Variants in LRMDA observed in about 807,000 individuals in gnomAD.
The protein encoded by LRMDA is leucine-rich melanocyte differentiation-associated protein.
Under a neutral mutation model 29.8 loss-of-function variants are expected in LRMDA, and 18 were observed. The ratio of observed to expected loss-of-function variants is 0.60; its 90% CI spans 0.42 to 0.90. The LOEUF is 0.90. LRMDA is among the 40% of genes least tolerant of loss of function. The pLI, the probability that LRMDA is intolerant of heterozygous loss-of-function variation, is 0.00. For synonymous variants in LRMDA, 125 were observed against 109.4 expected (o/e 1.14, Z -0.89); for missense variants, 273 against 273.9 (o/e 1.00, Z 0.02).
chr10:76,127,609 G>T (rs1343710206), intron 5 of LRMDA, among the ~76,000 whole-genome samples: 5 of 151,148 alleles, frequency 3.3e-5, no homozygotes, highest in South Asian at 2.1e-4. Flanking sequence ...TGAATGTTTG[G>T]CAAGACTCAG....
At position 76,174,599 on chromosome 10, in the gene LRMDA, C is replaced by T. The variant is rs1202982260; in HGVS notation, c.516+115816C>T. ...TACTGTGATGGGTAAGGAAAGGCCT[C>T]AGGTCTTAGGGGATCTGCTAATGAG... On this transcript the variant is annotated intron_variant, in intron 5 of 6. Transcript: ENST00000611255. Among the ~76,000 whole-genome samples, 3 of 152,262 alleles carry T rather than the reference C, an allele frequency of 2.0e-5. No individual in the cohort carries two copies. The East Asian group carries it at 5.8e-4, about 29-fold the overall frequency.
intron 2 of LRMDA, among the ~76,000 whole-genome samples, chr10:75,587,272 G>C (rs1223539185): frequency 6.6e-6 from 1 of 152,100 alleles, no homozygotes; most frequent in Non-Finnish European, 1.5e-5. Context: ...AGTAGCTTTT[G>C]GTAGTGGGTT....
intron 5 of LRMDA, among the ~76,000 whole-genome samples, chr10:76,307,970 A>T (rs1589420775): frequency 6.6e-6 from 1 of 152,318 alleles, no homozygotes; most frequent in Non-Finnish European, 1.5e-5. Context: ...TGAACTGTTC[A>T]ACAAGGGAGA....
At chr10:76,305,553 G>A (rs903509105) in intron 5 of LRMDA, among the ~76,000 whole-genome samples, 9 of 152,174 alleles carry the variant, frequency 5.9e-5, no homozygotes, top group Non-Finnish European at 1.0e-4. Context: ...CAATGTGTTT[G>A]AGAGTTGAAG....
chr10:75,719,713 C>T (rs998767557), intron 2 of LRMDA, among the ~76,000 whole-genome samples: 15 of 152,088 alleles, frequency 9.9e-5, no homozygotes, highest in Non-Finnish European at 1.3e-4. Context: ...TGAAGTGTTC[C>T]GCCTCCTGTT....
At chr10:76,174,682 A>C (rs981629958) in intron 5 of LRMDA, among the ~76,000 whole-genome samples, 2 of 152,224 alleles carry the variant, frequency 1.3e-5, no homozygotes, top group African/African-American at 4.8e-5. Flanking sequence ...GGGTAGCAAC[A>C]ATCTAGGACC....
intron 2 of LRMDA, among the ~76,000 whole-genome samples, chr10:75,874,544 G>A (rs1002090394): frequency 3.3e-5 from 5 of 152,198 alleles, no homozygotes; most frequent in African/African-American, 1.2e-4. Context: ...ATGGAGTAGT[G>A]ACCCTACTTC....
chr10:75,941,725 C>T (rs1211550440), intron 2 of LRMDA, among the ~76,000 whole-genome samples: 1 of 152,162 alleles, frequency 6.6e-6, no homozygotes, highest in Non-Finnish European at 1.5e-5. Context: ...AGCAGCCATG[C>T]AGACCACAAA....
intron 5 of LRMDA, among the ~76,000 whole-genome samples, chr10:76,290,220 C>T (rs1409754331): frequency 1.3e-5 from 2 of 152,066 alleles, no homozygotes; most frequent in Non-Finnish European, 2.9e-5. Context: ...GGTGAGTCAG[C>T]TGGTTTAAAG....
intron 5 of LRMDA, among the ~76,000 whole-genome samples, chr10:76,094,604 T>G (rs750569061): frequency 6.6e-6 from 1 of 152,162 alleles, no homozygotes; most frequent in Non-Finnish European, 1.5e-5. Flanking sequence ...TACTCAAAGG[T>G]GTCCATGGAC....
chr10:76,173,668 A>AT (rs1169822660), intron 5 of LRMDA, among the ~76,000 whole-genome samples: 73 of 150,716 alleles, frequency 4.8e-4, no homozygotes, highest in African/African-American at 1.6e-3. Context: ...GCCATTTATA[A>AT]TTTTTTTTTT....
chr10:75,826,091 CAT>C (rs1473498149), intron 2 of LRMDA, among the ~76,000 whole-genome samples: 9 of 152,180 alleles, frequency 5.9e-5, no homozygotes, highest in African/African-American at 1.7e-4. Context: ...ATTCTTATAA[CAT>C]AGGTGGAATT....
intron 5 of LRMDA, among the ~76,000 whole-genome samples, chr10:76,276,221 G>C (rs1364213096): frequency 6.6e-6 from 1 of 152,016 alleles, no homozygotes; most frequent in South Asian, 2.1e-4. Flanking sequence ...GCTAACTGTA[G>C]CCTTGAACTC....
chr10:76,391,925 T>A (rs1419723665), intron 6 of LRMDA, among the ~76,000 whole-genome samples: 1 of 152,194 alleles, frequency 6.6e-6, no homozygotes, highest in Non-Finnish European at 1.5e-5. Flanking sequence ...GGAGACTGTA[T>A]CACCACAGAG....
intron 5 of LRMDA, among the ~76,000 whole-genome samples, chr10:76,292,333 A>G (rs1450714289): frequency 6.6e-6 from 1 of 152,148 alleles, no homozygotes; most frequent in Non-Finnish European, 1.5e-5. Context: ...CCATCAGATC[A>G]CTTGCACAAC....
intron 6 of LRMDA, among the ~76,000 whole-genome samples, chr10:76,516,496 A>C (rs1000686051): frequency 1.3e-5 from 2 of 150,806 alleles, no homozygotes; most frequent in Non-Finnish European, 3.0e-5. Flanking sequence ...CCTCCCCACT[A>C]CCCCCACCCC....
intron 2 of LRMDA, among the ~76,000 whole-genome samples, chr10:75,540,817 A>G (rs1840006802): frequency 6.6e-6 from 1 of 152,192 alleles, no homozygotes; most frequent in Non-Finnish European, 1.5e-5. Context: ...CATCCAGTAA[A>G]TATGTAATGT....
intron 5 of LRMDA, among the ~76,000 whole-genome samples, chr10:76,144,557 T>C (rs1258779531): frequency 1.3e-5 from 2 of 152,252 alleles, no homozygotes; most frequent in African/African-American, 4.8e-5. Flanking sequence ...CCTGAGACTT[T>C]GCTGAAGTTG....
intron 2 of LRMDA, among the ~76,000 whole-genome samples, chr10:75,820,563 C>A (rs1366265945): frequency 1.3e-5 from 2 of 152,100 alleles, no homozygotes; most frequent in African/African-American, 4.8e-5. Flanking sequence ...ATAGAAAGAT[C>A]TCAAATTAAC....
Sources: allele counts gnomAD v4.1 joint callset (sites outside exome capture counted in the v4.1 genomes callset), GRCh38; gene constraint gnomAD v4.1.1; transcripts MANE v1.5; gene names NCBI Gene and HGNC (gene_info 2026-07-23, HGNC 2026-07-21).